The following RIMS1 variants were observed in gnomAD, a reference collection of about 807,000 sequenced individuals.
RIMS1 encodes regulating synaptic membrane exocytosis 1, also known as regulating synaptic membrane exocytosis protein 1.
In RIMS1, 83 loss-of-function variants were observed where a neutral mutation model predicts 214.1. That is an observed-to-expected ratio of 0.39 (90% confidence interval 0.32 to 0.47). The LOEUF (loss-of-function observed/expected upper bound fraction) is 0.47. RIMS1 is among the 20% of genes least tolerant of loss of function. The pLI is 0.99. For synonymous variants in RIMS1, 793 were observed against 786.8 expected (o/e 1.01, Z -0.13); for missense variants, 2,050 against 2,161.8 (o/e 0.95, Z 1.03).
At chr6:72,154,796 T>C (rs1385874243) in intron 4 of RIMS1, among the ~76,000 whole-genome samples, 4 of 140,800 alleles carry the variant, frequency 2.8e-5, no homozygotes, top group African/African-American at 9.8e-5. Flanking sequence ...CCACTATTTA[T>C]CCCATGGGGA....
chr6:72,115,599 T>A (rs2036919634), intron 4 of RIMS1, among the ~76,000 whole-genome samples: 2 of 151,942 alleles, frequency 1.3e-5, no homozygotes, highest in Admixed American at 1.3e-4. Flanking sequence ...TTTTAAAGGC[T>A]TTTGCTGGTG....
intron 2 of RIMS1, among the ~76,000 whole-genome samples, chr6:72,042,612 T>A (rs1253576915): frequency 1.3e-5 from 2 of 151,916 alleles, no homozygotes; most frequent in African/African-American, 4.8e-5. Context: ...TTTTCCAAAT[T>A]ACTAACAGTG....
intron 23 of RIMS1, among the ~76,000 whole-genome samples, chr6:72,275,018 G>GA (rs2085448206): frequency 6.7e-6 from 1 of 150,368 alleles, no homozygotes; most frequent in Non-Finnish European, 1.5e-5. Context: ...TCAGTGCTTT[G>GA]AATCCACTTT....
intron 2 of RIMS1, among the ~76,000 whole-genome samples, chr6:72,006,151 A>G (rs149158884): frequency 2.0e-5 from 3 of 152,218 alleles, no homozygotes; most frequent in Admixed American, 6.5e-5. Context: ...CACAGCACCA[A>G]TTCCATTCAT....
chr6:72,272,538 T>C (rs2083959921), intron 22 of RIMS1, among the ~76,000 whole-genome samples: 1 of 152,162 alleles, frequency 6.6e-6, no homozygotes, highest in South Asian at 2.1e-4. Context: ...AATTACCTTT[T>C]AATCGCTTGC....
chr6:71,958,375 G>T (rs907435402), intron 1 of RIMS1, among the ~76,000 whole-genome samples: 3 of 152,046 alleles, frequency 2.0e-5, no homozygotes, highest in African/African-American at 7.2e-5. Context: ...TTGGATTGTT[G>T]CTATTAAACA....
rs553431955 is a variant in RIMS1 at position 72,026,462 on chromosome 6, C to A, written c.245+57399C>A. ...TTCTTCTCCCCCAGCACCGCCCCCC[C>A]CCCCAACTTTTTTTTTTCAAACTAT... On this transcript the variant is annotated intron_variant, in intron 2 of 33. Transcript: ENST00000521978. 3.5e-5 allele frequency among the ~76,000 whole-genome samples: 5 copies of A among 141,926 alleles called. 1 individual carries two copies. The highest frequency in any genetic ancestry group is 2.5e-4 in the South Asian group (1 of 4,040). The allele number at this position is 141,926 out of a possible 152,430, so 93.1% of individuals were successfully genotyped here. A position where few individuals can be genotyped will look rare whatever the true frequency, so the allele number is the denominator to read the frequency against.
chr6:72,170,104 G>A (rs1035172461), intron 4 of RIMS1, among the ~76,000 whole-genome samples: 3 of 152,120 alleles, frequency 2.0e-5, no homozygotes, highest in African/African-American at 7.2e-5. Flanking sequence ...AAACCACCAG[G>A]TATAAGCTCC....
intron 1 of RIMS1, among the ~76,000 whole-genome samples, chr6:71,918,849 G>A (rs1779174284): frequency 6.6e-6 from 1 of 152,146 alleles, no homozygotes; most frequent in Non-Finnish European, 1.5e-5. Flanking sequence ...GTAGATGTTA[G>A]AGTGAAAGGC....
intron 4 of RIMS1, among the ~76,000 whole-genome samples, chr6:72,159,550 T>C (rs534956920): frequency 7.1e-6 from 1 of 141,200 alleles, no homozygotes; most frequent in Non-Finnish European, 1.6e-5. Flanking sequence ...TTAATCCATC[T>C]TGAATTAATT....
chr6:71,978,248 A>G (rs1797645836), intron 2 of RIMS1, among the ~76,000 whole-genome samples: 1 of 152,172 alleles, frequency 6.6e-6, no homozygotes, highest in African/African-American at 2.4e-5. Flanking sequence ...TATGGATGCA[A>G]TTGTATCTTA....
At chr6:72,151,096 G>A (rs1324051919) in intron 4 of RIMS1, among the ~76,000 whole-genome samples, 3 of 151,970 alleles carry the variant, frequency 2.0e-5, no homozygotes, top group Non-Finnish European at 4.4e-5. Context: ...AGGCTGGAGT[G>A]CAGTGGCGCA....
At chr6:72,189,318 G>A (rs932133786) in intron 6 of RIMS1, among the ~76,000 whole-genome samples, 1 of 152,200 alleles carries the variant, frequency 6.6e-6, no homozygotes, top group Non-Finnish European at 1.5e-5. Flanking sequence ...GCTTCAGGAT[G>A]ATGGGGAACA....
At chr6:71,887,996 T>C (rs1016145356) in intron 1 of RIMS1, among the ~76,000 whole-genome samples, 1 of 152,048 alleles carries the variant, frequency 6.6e-6, no homozygotes, top group South Asian at 2.1e-4. Flanking sequence ...CAATAAGGGA[T>C]TGGGAATTTG....
intron 1 of RIMS1, among the ~76,000 whole-genome samples, chr6:71,948,929 A>C (rs1346903063): frequency 1.3e-5 from 2 of 152,126 alleles, no homozygotes; most frequent in Non-Finnish European, 2.9e-5. Flanking sequence ...ATCTAAGTTT[A>C]CTCATCAAAC....
intron 2 of RIMS1, among the ~76,000 whole-genome samples, chr6:71,983,453 T>TA (rs1354179524): frequency 1.3e-5 from 2 of 152,132 alleles, no homozygotes; most frequent in Non-Finnish European, 2.9e-5. Context: ...GGGTTTTTTT[T>TA]ATTATTGACA....
intron 2 of RIMS1, among the ~76,000 whole-genome samples, chr6:72,085,040 TAAGTC>T (rs1834302939): frequency 6.6e-6 from 1 of 152,150 alleles, no homozygotes; most frequent in Admixed American, 6.5e-5. Flanking sequence ...ATTTTCCTAA[TAAGTC>T]AAATCTCCTG....
At chr6:72,206,234 C>T (rs2052885365) in intron 6 of RIMS1, among the ~76,000 whole-genome samples, 1 of 152,142 alleles carries the variant, frequency 6.6e-6, no homozygotes, top group Non-Finnish European at 1.5e-5. Context: ...AGGCATTATG[C>T]ATTTCATTTC....
intron 4 of RIMS1, among the ~76,000 whole-genome samples, chr6:72,113,501 C>G (rs1463200001): frequency 6.6e-6 from 1 of 151,948 alleles, no homozygotes; most frequent in Non-Finnish European, 1.5e-5. Context: ...AATGAAAGGC[C>G]TTGAATAGAA....
Sources: allele counts gnomAD v4.1 joint callset (sites outside exome capture counted in the v4.1 genomes callset), GRCh38; gene constraint gnomAD v4.1.1; transcripts MANE v1.5; gene names NCBI Gene and HGNC (gene_info 2026-07-23, HGNC 2026-07-21).